Variants in ZNF804B observed in about 807,000 individuals in gnomAD.
ZNF804B encodes zinc finger protein 804B, also known as zinc finger 804B.
A neutral mutation model predicts 101.4 loss-of-function variants in ZNF804B; 80 were observed. That is an observed-to-expected ratio of 0.79 (90% CI 0.66 to 0.95). The LOEUF (loss-of-function observed/expected upper bound fraction) is 0.95, where lower values mean the gene tolerates loss of function less well. Among genes scored for constraint, ZNF804B ranks in the 40% least tolerant of loss-of-function variants. The pLI is 0.00. For synonymous variants in ZNF804B, 622 were observed against 558.8 expected (o/e 1.11, Z -1.59); for missense variants, 1,673 against 1,561.9 (o/e 1.07, Z -1.20).
At chr7:88,908,675 G>A (rs1451197942) in intron 1 of ZNF804B, among the ~76,000 whole-genome samples, 1 of 151,610 alleles carries the variant, frequency 6.6e-6, no homozygotes, top group Non-Finnish European at 1.5e-5. Context: ...TTTGACTTTA[G>A]AGAAGACGTT....
chr7:89,106,779 C>T (rs977501327), intron 1 of ZNF804B, among the ~76,000 whole-genome samples: 1 of 152,010 alleles, frequency 6.6e-6, no homozygotes, highest in Non-Finnish European at 1.5e-5. Context: ...TTTTAGAATA[C>T]AAAAACAAGA....
intron 1 of ZNF804B, among the ~76,000 whole-genome samples, chr7:89,069,731 A>AT (rs1789506855): frequency 6.6e-6 from 1 of 152,114 alleles, no homozygotes; most frequent in African/African-American, 2.4e-5. Context: ...TTTTAGTCGA[A>AT]TTTTCCCCCA....
rs1793291261 is a variant in ZNF804B, at chr7:88,955,489, C to A, written c.108+195405C>A. Among the ~76,000 whole-genome samples the A allele has an allele frequency of 2.0e-5, 3 of 151,726 alleles. No homozygotes were observed. In the South Asian group the frequency reaches 6.2e-4, roughly 31 times the overall value. ...GGTGTGTATATTTCAATCTCATATT[C>A]TTAACTTTTCTGTAATCCAAATCCC... On this transcript the variant is annotated intron_variant, in intron 1 of 3. Transcript: ENST00000333190.
In ZNF804B at chr7:89,062,455, C is replaced by T. The variant is rs1789395241; in HGVS notation, c.109-155700C>T. Among the ~76,000 whole-genome samples the T allele has an allele frequency of 2.0e-5, 3 of 152,118 alleles. No individual in the cohort carries two copies. In the South Asian group the frequency reaches 6.2e-4, roughly 32 times the overall value. ...GAGTTAGCACTCCTCTCTGCGTTTT[C>T]TTGGCAGTCTCTCCAAAATGACTTT... On this transcript the variant is annotated intron_variant, in intron 1 of 3. Coordinates refer to ENST00000333190, the MANE Select transcript of ZNF804B (RefSeq NM_181646.5).
chr7:88,898,168 G>A (rs926742147), intron 1 of ZNF804B, among the ~76,000 whole-genome samples: 1 of 126,452 alleles, frequency 7.9e-6, no homozygotes, highest in Non-Finnish European at 1.6e-5. Flanking sequence ...CTCACTGCAA[G>A]CTCCGCCTCC....
chr7:88,790,873 A>G (rs1435370205), intron 1 of ZNF804B, among the ~76,000 whole-genome samples: 1 of 152,144 alleles, frequency 6.6e-6, no homozygotes, highest in Non-Finnish European at 1.5e-5. Context: ...TGTAAGGTAT[A>G]AATGTAAGAT....
At chr7:89,046,154 A>G (rs980245057) in intron 1 of ZNF804B, among the ~76,000 whole-genome samples, 4 of 150,576 alleles carry the variant, frequency 2.7e-5, no homozygotes, top group Non-Finnish European at 5.9e-5. Context: ...TCCTGCCATC[A>G]TGTGAAGAAG....
At chr7:88,884,032 G>A (rs1006466911) in intron 1 of ZNF804B, among the ~76,000 whole-genome samples, 2 of 152,044 alleles carry the variant, frequency 1.3e-5, no homozygotes, top group African/African-American at 4.8e-5. Context: ...AGATCCTAAT[G>A]AAGGCAGATG....
At chr7:89,049,715 AAT>A (rs1789165299) in intron 1 of ZNF804B, among the ~76,000 whole-genome samples, 1 of 152,138 alleles carries the variant, frequency 6.6e-6, no homozygotes, top group Non-Finnish European at 1.5e-5. Flanking sequence ...AACAGTTAAA[AAT>A]TTCCCACAGT....
At chr7:88,996,123 A>G (rs1368521926) in intron 1 of ZNF804B, among the ~76,000 whole-genome samples, 1 of 152,068 alleles carries the variant, frequency 6.6e-6, no homozygotes, top group Non-Finnish European at 1.5e-5. Flanking sequence ...GATAATTTGT[A>G]TATCAATATT....
chr7:89,080,010 A>ATAT (rs1789671988), intron 1 of ZNF804B, among the ~76,000 whole-genome samples: 1 of 151,966 alleles, frequency 6.6e-6, no homozygotes, highest in Non-Finnish European at 1.5e-5. Context: ...ATGACAGGAT[A>ATAT]ACTTACATTT....
chr7:89,022,097 A>G (rs909987927), intron 1 of ZNF804B, among the ~76,000 whole-genome samples: 26 of 152,026 alleles, frequency 1.7e-4, no homozygotes, highest in African/African-American at 6.3e-4. Context: ...CTTCAGGTTG[A>G]TCTCATCATA....
Position 89,275,931 on chromosome 7 carries a change from A to G in ZNF804B, c.250-51413A>G, listed in dbSNP as rs960257250. On this transcript the variant is annotated intron_variant, in intron 2 of 3. Coordinates refer to ENST00000333190, the MANE Select transcript of ZNF804B (RefSeq NM_181646.5). ...CATGGAATCAACCCAAACGCCCATC[A>G]GTGATAGACTAGATAAAAAAATGTG... is the stretch of plus-strand genomic sequence containing the variant. Among the ~76,000 whole-genome samples, 7 of 151,974 alleles carry G rather than the reference A, an allele frequency of 4.6e-5. No homozygotes were observed. In the East Asian group the frequency reaches 1.4e-3, roughly 29 times the overall value.
chr7:88,887,993 C>T (rs1583998757), intron 1 of ZNF804B, among the ~76,000 whole-genome samples: 1 of 152,058 alleles, frequency 6.6e-6, no homozygotes, highest in East Asian at 1.9e-4. Flanking sequence ...TACATATTGT[C>T]ACTTTTTTAC....
At chr7:88,963,078 A>T (rs140150610) in intron 1 of ZNF804B, among the ~76,000 whole-genome samples, 2 of 151,068 alleles carry the variant, frequency 1.3e-5, no homozygotes, top group Non-Finnish European at 3.0e-5. Context: ...ACTTAATATT[A>T]TGAAGATGTT....
intron 2 of ZNF804B, among the ~76,000 whole-genome samples, chr7:89,322,407 T>C (rs1790834677): frequency 6.6e-6 from 1 of 152,146 alleles, no homozygotes; most frequent in Non-Finnish European, 1.5e-5. Context: ...AAAATTGTAT[T>C]AAAATAGAAA....
intron 2 of ZNF804B, among the ~76,000 whole-genome samples, chr7:89,249,446 G>C (rs1789507105): frequency 6.6e-6 from 1 of 152,032 alleles, no homozygotes; most frequent in Non-Finnish European, 1.5e-5. Flanking sequence ...TTGAACCAAA[G>C]GGGAATAAAA....
chr7:89,096,502 T>G (rs1328852850), intron 1 of ZNF804B, among the ~76,000 whole-genome samples: 1 of 152,190 alleles, frequency 6.6e-6, no homozygotes, highest in Non-Finnish European at 1.5e-5. Flanking sequence ...TTTTTAGTGG[T>G]TGCTTTCGAC....
Position 88,759,916 on chromosome 7 carries a change from C to G in ZNF804B, c.-61C>G. 6.8e-7 allele frequency: 1 copy of G among 1,477,874 alleles called. No individual in the cohort carries two copies. Among genetic ancestry groups the G allele is most frequent in the Non-Finnish European group, 9.4e-7 (1 of 1,060,336 alleles). The allele number at this position is 1,477,874 out of a possible 1,614,324, so 91.5% of individuals were successfully genotyped here. ...CGCTGTTGCCGCTGAGAAACCCGCC[C>G]GCTTTCCACGGCTGGTCGCCTGGTG... On this transcript the variant is annotated 5_prime_UTR_variant, in exon 1 of 4. Coordinates refer to ENST00000333190, the MANE Select transcript of ZNF804B (RefSeq NM_181646.5).
Sources: gnomAD v4.1 joint callset for allele counts (sites outside exome capture counted in the v4.1 genomes callset) on GRCh38, gnomAD v4.1.1 for gene constraint, MANE v1.5 for transcripts, NCBI Gene and HGNC (gene_info 2026-07-23, HGNC 2026-07-21) for gene names.